Variants in ATP6V1H observed in about 807,000 individuals in gnomAD.
ATP6V1H encodes the protein ATPase H+ transporting V1 subunit H, also known as V-type proton ATPase subunit H.
Under a neutral mutation model 71.7 loss-of-function variants are expected in ATP6V1H, and 39 were observed. The ratio of observed to expected loss-of-function variants is 0.54; its 90% confidence interval spans 0.42 to 0.71. The LOEUF is 0.71. ATP6V1H is among the 30% of genes least tolerant of loss of function. The probability of loss-of-function intolerance (pLI) is 0.00; values close to 1 mark genes in which losing one functional copy is unlikely to be tolerated. For synonymous variants in ATP6V1H, 192 were observed against 199.3 expected (o/e 0.96, Z 0.31); for missense variants, 509 against 594.9 (o/e 0.86, Z 1.50).
At chr8:53,828,003 C>T (rs1810877418) in intron 4 of ATP6V1H, among the ~76,000 whole-genome samples, 2 of 152,160 alleles carry the variant, frequency 1.3e-5, no homozygotes, top group African/African-American at 2.4e-5. Flanking sequence ...TTTATCCAAT[C>T]TGCCATTGAT....
chr8:53,817,511 C>T lies in ATP6V1H; in HGVS notation c.326G>A (p.Ser109Asn), dbSNP rs750339631. The T allele has an allele frequency of 7.5e-6, 12 of 1,609,860 alleles. 1 individual carries two copies. The highest frequency in any genetic ancestry group is 4.4e-5 in the South Asian group (4 of 90,504). ...DMLQENHQRV[S>N]IFFDYARCSK... ...ACATCTTGCATAGTCAAAGAAAATG[C>T]TAACACGCTGATGATTTTCCTAAAA... The change falls in exon 5 of 14, where the codon AGC (serine) becomes AAC (asparagine). Residue 109 changes from serine (S) to asparagine (N), a missense_variant. Physicochemically the swap from Ser to Asn is conservative, Grantham distance 46. Around this residue, in one of 2 missense-constraint regions of ATP6V1H, gnomAD observed 297 missense variants for 303.3 expected, o/e 0.98. Coordinates refer to ENST00000359530, the MANE Select transcript of ATP6V1H (RefSeq NM_015941.4).
chr8:53,750,206 C>T (rs1414122876), intron 12 of ATP6V1H, among the ~76,000 whole-genome samples: 1 of 152,108 alleles, frequency 6.6e-6, no homozygotes, highest in African/African-American at 2.4e-5. Context: ...TTAACTGTCA[C>T]GTTATGCTCT....
chr8:53,791,218 A>G (rs1809554733), intron 9 of ATP6V1H, among the ~76,000 whole-genome samples: 1 of 152,222 alleles, frequency 6.6e-6, no homozygotes, highest in African/African-American at 2.4e-5. Context: ...CTCTTATTCC[A>G]TGTTCCCTCA....
At chr8:53,756,245 CTTT>C (rs201116200) in intron 12 of ATP6V1H, 9 of 130,368 alleles carry the variant, frequency 6.9e-5, no homozygotes, top group East Asian at 2.1e-4. Context: ...TAATTTTTTT[CTTT>C]TTTTTTTTTT....
chr8:53,765,499 AC>A (rs1225415571), intron 11 of ATP6V1H, among the ~76,000 whole-genome samples: 4 of 142,082 alleles, frequency 2.8e-5, no homozygotes, highest in African/African-American at 7.8e-5. Context: ...ACACACACAC[AC>A]AAGACCATCA....
chr8:53,767,283 T>C (rs1356177943), intron 11 of ATP6V1H, among the ~76,000 whole-genome samples: 2 of 152,216 alleles, frequency 1.3e-5, no homozygotes, highest in South Asian at 4.1e-4. Flanking sequence ...ACACTAATGC[T>C]AAAAACAGGA....
At chr8:53,767,582 A>G (rs1412221007) in intron 11 of ATP6V1H, among the ~76,000 whole-genome samples, 1 of 152,244 alleles carries the variant, frequency 6.6e-6, no homozygotes, top group Non-Finnish European at 1.5e-5. Context: ...CAAACTGACT[A>G]TAAAGCAACA....
chr8:53,840,104 G>A (rs1452553159), intron 2 of ATP6V1H: 1 of 184,668 alleles, frequency 5.4e-6, no homozygotes, highest in Non-Finnish European at 1.0e-5. Flanking sequence ...ACTCAGTTCA[G>A]GGACCAGCCC....
At chr8:53,781,538 A>C (rs941613202) in intron 9 of ATP6V1H, among the ~76,000 whole-genome samples, 1 of 152,096 alleles carries the variant, frequency 6.6e-6, no homozygotes, top group African/African-American at 2.4e-5. Context: ...GAAGTTCTTT[A>C]GTTTAATTAG....
intron 13 of ATP6V1H, among the ~76,000 whole-genome samples, chr8:53,716,607 C>T (rs1353983856): frequency 1.3e-5 from 2 of 152,228 alleles, no homozygotes; most frequent in African/African-American, 4.8e-5. Flanking sequence ...AAAGCCCACA[C>T]AGAGACGGTC....
At chr8:53,789,906 G>A (rs1205789461) in intron 9 of ATP6V1H, among the ~76,000 whole-genome samples, 3 of 152,104 alleles carry the variant, frequency 2.0e-5, no homozygotes, top group Non-Finnish European at 4.4e-5. Context: ...CTAAGGGAAA[G>A]TCACACAAAA....
intron 2 of ATP6V1H, 44 bp downstream of exon 2, chr8:53,841,533 CA>C: frequency 1.3e-6 from 2 of 1,591,660 alleles, no homozygotes; most frequent in Non-Finnish European, 1.7e-6. Flanking sequence ...AAGTCTGATG[CA>C]AAAGCATATG....
rs200580377 is a variant in ATP6V1H at position 53,772,042 on chromosome 8, G to A, written c.996C>T (p.Ser332=). 2.9e-4 allele frequency: 474 copies of A among 1,613,906 alleles called. 1 individual carries two copies. Among genetic ancestry groups the A allele is most frequent in the Non-Finnish European group, 3.8e-4 (448 of 1,179,978 alleles). The change falls in exon 10 of 14, where the codon AGC becomes AGT. Residue 332 remains serine, a synonymous_variant. Transcript: ENST00000359530. Reference sequence around the variant, plus strand: ...TTTCCAAAAGAAATTTGATATCTTCGCTGATATCTTCATCATCGTACTTCT... The same window carrying A: ...TTTCCAAAAGAAATTTGATATCTTCACTGATATCTTCATCATCGTACTTCT... ...EQQKYDDEDI[S]EDIKFLLEKL... is the part of the protein sequence containing the mutation.
At chr8:53,731,072 C>T (rs11988862) in intron 13 of ATP6V1H, among the ~76,000 whole-genome samples, 197 of 152,368 alleles carry the variant, frequency 1.3e-3, no homozygotes, top group African/African-American at 4.2e-3. Flanking sequence ...AGTTCCGCTA[C>T]TGCTAGAATC....
intron 2 of ATP6V1H, chr8:53,839,680 C>T (rs1585845015): frequency 1.0e-6 from 1 of 985,406 alleles, no homozygotes. Flanking sequence ...TCTTCTAACT[C>T]CCGGCTACAA....
rs1585823699 is a variant in ATP6V1H, at chr8:53,819,568, AT to A, written c.307-2039del. Reference sequence around the variant, plus strand: ...AAAGCATATATATATATATATATATATATATATATATATATATAAAATACAC... The same window carrying A: ...AAAGCATATATATATATATATATATAATATATATATATATATAAAATACAC... On this transcript the variant is annotated intron_variant, in intron 4 of 13. Transcript: ENST00000359530. Among the ~76,000 whole-genome samples the A allele has an allele frequency of 3.9e-5, 5 of 129,242 alleles. No individual in the cohort carries two copies. The East Asian group carries it at 7.1e-4, about 18-fold the overall frequency. The allele number at this position is 129,242 out of a possible 152,430, so 84.8% of individuals were successfully genotyped here.
intron 13 of ATP6V1H, among the ~76,000 whole-genome samples, chr8:53,720,850 G>A (rs1168902472): frequency 2.0e-5 from 3 of 152,084 alleles, no homozygotes; most frequent in Admixed American, 2.0e-4. Context: ...CAGCATTTTT[G>A]TACTGTTTTC....
At chr8:53,745,583 A>G (rs1208701369) in intron 12 of ATP6V1H, among the ~76,000 whole-genome samples, 2 of 151,998 alleles carry the variant, frequency 1.3e-5, no homozygotes, top group Non-Finnish European at 2.9e-5. Context: ...TGGCTGAAGG[A>G]ACCTTCTCTA....
chr8:53,840,574 G>T (rs1414116076), intron 2 of ATP6V1H, among the ~76,000 whole-genome samples: 1 of 151,950 alleles, frequency 6.6e-6, no homozygotes, highest in Non-Finnish European at 1.5e-5. Context: ...AGTTCCTTCA[G>T]GGACAGTACT....
Sources: gnomAD v4.1 joint callset for allele counts (sites outside exome capture counted in the v4.1 genomes callset) on GRCh38, gnomAD v4.1.1 for gene constraint, gnomAD v4.1.1 regional missense constraint, MANE v1.5 for transcripts, NCBI Gene and HGNC (gene_info 2026-07-23, HGNC 2026-07-21) for gene names.